Variants in HTT observed in about 807,000 individuals in gnomAD.
HTT encodes the protein huntington disease protein.
In HTT, 104 loss-of-function variants were observed where a neutral mutation model predicts 362.3. The ratio of observed to expected loss-of-function variants is 0.29; its 90% CI spans 0.24 to 0.34. The LOEUF (loss-of-function observed/expected upper bound fraction) is 0.34, where lower values mean the gene tolerates loss of function less well. Among genes scored for constraint, HTT ranks in the 10% least tolerant of loss-of-function variants. HTT has a pLI of 1.00. For missense variants in HTT, 3,301 were observed against 3,928.6 expected, an observed-to-expected ratio of 0.84 and a Z score of 4.27; for synonymous variants, 1,577 against 1,548.7, an observed-to-expected ratio of 1.02 and a Z score of -0.43.
chr4:3,125,613 C>A lies in HTT; in HGVS notation c.1386C>A (p.Ser462Arg). 1 of 1,612,908 alleles carries A rather than the reference C, an allele frequency of 6.2e-7. No homozygotes were observed. The highest frequency in any genetic ancestry group is 8.5e-7 in the Non-Finnish European group (1 of 1,178,886). ...ACTCTGAATCGAGATCGGATGTCAG[C>A]AGCTCTGCCTTAACAGGTAGTTCTC... ...EDDSESRSDV[S>R]SSALTASVKD... The change falls in exon 11 of 67, where the codon AGC becomes AGA. Residue 462 changes from serine (S) to arginine (R), a missense_variant. Physicochemically the swap from Ser to Arg is moderately radical, Grantham distance 110. Transcript: ENST00000355072.
intron 23 of HTT, 97 bp downstream of exon 23, chr4:3,142,983 T>C: frequency 1.1e-6 from 1 of 901,360 alleles, no homozygotes; most frequent in Non-Finnish European, 1.8e-6. Context: ...GTGAGGTGCT[T>C]GTCTTACAGC....
chr4:3,105,729 A>G (rs1714391931), intron 5 of HTT, among the ~76,000 whole-genome samples: 1 of 152,246 alleles, frequency 6.6e-6, no homozygotes, highest in Non-Finnish European at 1.5e-5. Flanking sequence ...CCCAGCAGCG[A>G]TAACAGTGTC....
chr4:3,089,169 A>G (rs1252897538), intron 2 of HTT, among the ~76,000 whole-genome samples: 1 of 152,214 alleles, frequency 6.6e-6, no homozygotes, highest in East Asian at 1.9e-4. Flanking sequence ...CACTGTGAAA[A>G]AGCAACTGCA....
At chr4:3,190,979 T>C (rs1381614413) in intron 40 of HTT, among the ~76,000 whole-genome samples, 2 of 152,150 alleles carry the variant, frequency 1.3e-5, no homozygotes, top group African/African-American at 4.8e-5. Context: ...CAAACCAAAA[T>C]GTGGCTTGAT....
chr4:3,193,134 C>G (rs913075268), intron 40 of HTT, among the ~76,000 whole-genome samples: 2 of 152,218 alleles, frequency 1.3e-5, no homozygotes, highest in Non-Finnish European at 2.9e-5. Flanking sequence ...CGGTAGGGCC[C>G]GGCCGCACGG....
chr4:3,088,248 A>T (rs1713315456), intron 2 of HTT, among the ~76,000 whole-genome samples: 1 of 146,914 alleles, frequency 6.8e-6, no homozygotes, highest in South Asian at 2.1e-4. Context: ...GTGCAGTGGC[A>T]TGATCTTGGC....
At position 3,115,290 on chromosome 4, in the gene HTT, T is replaced by G. The variant is rs1578510352; in HGVS notation, c.748-14T>G. 3.7e-6 allele frequency: 6 copies of G among 1,611,804 alleles called. No homozygotes were observed. The African/African-American group carries it at 4.0e-5, about 11-fold the overall frequency. On this transcript the variant is annotated splice_polypyrimidine_tract_variant and intron_variant, in intron 6 of 66. Coordinates refer to ENST00000355072, the MANE Select transcript of HTT (RefSeq NM_001388492.1). Reference sequence around the variant, plus strand: ...AGCTTCATCTTTTATCTACTTGGACTTTTGCTTCCGTAGGTTTTGTTAAAG... The same window carrying G: ...AGCTTCATCTTTTATCTACTTGGACGTTTGCTTCCGTAGGTTTTGTTAAAG...
chr4:3,149,177 T>G (rs1056619506), intron 26 of HTT, among the ~76,000 whole-genome samples: 10 of 152,312 alleles, frequency 6.6e-5, no homozygotes, highest in African/African-American at 2.4e-4. Context: ...TTTCCATGGT[T>G]GTAGAATGTT....
At chr4:3,221,934 C>T (rs1487354764) in intron 53 of HTT, among the ~76,000 whole-genome samples, 3 of 152,388 alleles carry the variant, frequency 2.0e-5, no homozygotes, top group South Asian at 2.1e-4. Flanking sequence ...CCACTCTAAG[C>T]GGACAGCTTG....
intron 30 of HTT, 56 bp downstream of exon 30, chr4:3,172,453 C>A: frequency 9.2e-7 from 1 of 1,089,474 alleles, no homozygotes; most frequent in Non-Finnish European, 1.4e-6. Context: ...GACAGCAAAA[C>A]GCTGCTACTC....
intron 59 of HTT, among the ~76,000 whole-genome samples, chr4:3,229,642 C>G (rs1387884824): frequency 6.6e-6 from 1 of 151,648 alleles, no homozygotes; most frequent in African/African-American, 2.4e-5. Flanking sequence ...ACACCACATG[C>G]GCACACACAC....
At position 3,135,976 on chromosome 4, in the gene HTT, T is replaced by TTTA; in HGVS notation, c.2697+12_2697+14dup. The TTTA allele has an allele frequency of 6.3e-7, 1 of 1,576,692 alleles. No individual in the cohort carries two copies. Among genetic ancestry groups the TTTA allele is most frequent in the East Asian group, 2.3e-5 (1 of 44,194 alleles). Reference sequence around the variant, plus strand: ...CTCATCATTATACAGGGGTAAGCGGTTTATTTTTGTGAGATGCTGTTTTAC... The same window carrying TTTA: ...CTCATCATTATACAGGGGTAAGCGGTTTATTATTTTTGTGAGATGCTGTTTTAC... On this transcript the variant is annotated intron_variant, in intron 20 of 66. Coordinates refer to ENST00000355072, the MANE Select transcript of HTT (RefSeq NM_001388492.1).
rs1483394957 is a variant in HTT at position 3,215,179 on chromosome 4, A to C, written c.7022A>C (p.Glu2341Ala). The C allele has an allele frequency of 6.2e-7, 1 of 1,602,306 alleles. No homozygotes were observed. The highest frequency in any genetic ancestry group is 8.5e-7 in the Non-Finnish European group (1 of 1,170,672). ...ACAAATACCCCAAAAGCCATCAGCG[A>C]GGAGGAGGAGGAAGTAGATCCAAAC... is the stretch of plus-strand genomic sequence containing the variant. ...RRTNTPKAIS[E>A]EEEEVDPNTQ... is the part of the protein sequence containing the mutation. Residue 2341 changes from glutamate (E) to alanine (A), a missense_variant, in exon 51 of 67, where the codon GAG (glutamate) becomes GCG (alanine). Coordinates refer to ENST00000355072, the MANE Select transcript of HTT (RefSeq NM_001388492.1).
chr4:3,089,630 G>C (rs2110144785), intron 2 of HTT, among the ~76,000 whole-genome samples: 1 of 152,266 alleles, frequency 6.6e-6, no homozygotes, highest in East Asian at 1.9e-4. Flanking sequence ...CCACCATCCA[G>C]GTCTCAGAGA....
At chr4:3,155,890 T>C (rs1171817879) in intron 27 of HTT, among the ~76,000 whole-genome samples, 1 of 146,662 alleles carries the variant, frequency 6.8e-6, no homozygotes, top group Non-Finnish European at 1.5e-5. Flanking sequence ...AGAGCGAGAC[T>C]CCGTCTCAAA....
intron 12 of HTT, chr4:3,129,027 A>G (rs1339812050): frequency 6.6e-6 from 1 of 152,180 alleles, no homozygotes; most frequent in Non-Finnish European, 1.5e-5. Flanking sequence ...GTCACACAGT[A>G]TTTGTTTTAC....
At chr4:3,179,547 G>A (rs984417953) in intron 35 of HTT, among the ~76,000 whole-genome samples, 2 of 152,096 alleles carry the variant, frequency 1.3e-5, no homozygotes, top group African/African-American at 4.8e-5. Context: ...GTCAAAGAGG[G>A]TTGCATTGTG....
rs146702855 is a variant in HTT, at chr4:3,138,575, T to C, written c.2799-1935T>C. 2.5e-3 allele frequency among the ~76,000 whole-genome samples: 381 copies of C among 152,316 alleles called. 1 individual carries two copies. Among genetic ancestry groups the C allele is most frequent in the African/African-American group, 8.8e-3 (366 of 41,562 alleles). ...CAAATATTTCAAAAAAAGTTAAATA[T>C]GTATCAGTTTTTTGGGCAGAAGTTG... On this transcript the variant is annotated intron_variant, in intron 21 of 66. Transcript: ENST00000355072.
rs71180116 is a variant in HTT, at chr4:3,074,876, C to CCAGCAGCAGCAGCAGCAGCAGCAG, written c.87_110dup (p.Gln31_Gln38dup). The stretch of plus-strand genomic sequence containing the variant: ...AGGCCTTCGAGTCCCTCAAGTCCTT[C>CCAGCAGCAGCAGCAGCAGCAGCAG]CAGCAGCAGCAGCAGCAGCAGCAGC... On this transcript the variant is annotated inframe_insertion, in exon 1 of 67. Transcript: ENST00000355072. 3.0e-3 allele frequency: 4,098 copies of CCAGCAGCAGCAGCAGCAGCAGCAG among 1,357,610 alleles called. 45 individuals are homozygous for CCAGCAGCAGCAGCAGCAGCAGCAG. The highest frequency in any genetic ancestry group is 5.2e-3 in the Admixed American group (229 of 43,712). 84.1% of individuals were successfully genotyped at this position (1,357,610 alleles called of 1,614,324 possible).
Sources: allele counts gnomAD v4.1 joint callset (sites outside exome capture counted in the v4.1 genomes callset), GRCh38; gene constraint gnomAD v4.1.1; transcripts MANE v1.5; gene names NCBI Gene and HGNC (gene_info 2026-07-23, HGNC 2026-07-21).